The following PEX2 variants were observed in gnomAD, a reference collection of about 807,000 sequenced individuals.
The protein encoded by PEX2 is peroxisomal biogenesis factor 2.
PEX2 carries 19 observed loss-of-function variants against 25.2 expected under a neutral mutation model. That is an observed-to-expected ratio of 0.75 (90% CI 0.53 to 1.10). PEX2 has a LOEUF of 1.10. PEX2 is among the 50% of genes least tolerant of loss of function. PEX2 has a pLI of 0.00. For missense variants in PEX2, 347 were observed against 350.6 expected (o/e 0.99, Z 0.08); for synonymous variants, 141 against 127.7 (o/e 1.10, Z -0.70).
At chr8:76,988,884 T>C (rs1472899466) in intron 1 of PEX2, among the ~76,000 whole-genome samples, 1 of 152,012 alleles carries the variant, frequency 6.6e-6, no homozygotes, top group Non-Finnish European at 1.5e-5. Flanking sequence ...AGAAACCACT[T>C]TCTTTGCTTA....
chr8:76,995,603 T>C (rs943801081), intron 1 of PEX2, among the ~76,000 whole-genome samples: 1 of 152,180 alleles, frequency 6.6e-6, no homozygotes, highest in Non-Finnish European at 1.5e-5. Context: ...ACAATATAGT[T>C]ATTCAAGTAT....
At position 76,982,899 on chromosome 8, in the gene PEX2, T is replaced by C. The variant is rs1806879465; in HGVS notation, c.*362A>G. 3.4e-6 allele frequency: 1 copy of C among 290,992 alleles called. No homozygotes were observed. Among genetic ancestry groups the C allele is most frequent in the African/African-American group, 2.3e-5 (1 of 44,384 alleles). 18.0% of individuals were successfully genotyped at this position (290,992 alleles called of 1,614,324 possible). A position where few individuals can be genotyped will look rare whatever the true frequency, so the allele number is the denominator to read the frequency against. ...TCACATTATCATATTATGTCAACTCTGAAAATAAATGCACACTCATCCCAG... is the reference window on the plus strand; with the variant it reads ...TCACATTATCATATTATGTCAACTCCGAAAATAAATGCACACTCATCCCAG... On this transcript the variant is annotated 3_prime_UTR_variant, in exon 4 of 4. Coordinates refer to ENST00000357039, the MANE Select transcript of PEX2 (RefSeq NM_000318.3).
Position 76,983,673 on chromosome 8 carries a change from C to T in PEX2, c.506G>A (p.Arg169His), listed in dbSNP as rs564144139. Reference protein sequence around the residue: ...QRGKFATLTERLLGIHSVFCK... With the variant: ...QRGKFATLTEHLLGIHSVFCK... ...AAATACAGAATGAATACCTAGGAGA[C>T]GTTCTGTCAAAGTTGCAAACTTTCC... The change falls in exon 4 of 4, where the codon CGT becomes CAT. Residue 169 changes from arginine (R) to histidine (H), a missense_variant. Transcript: ENST00000357039. 4.2e-5 allele frequency: 68 copies of T among 1,614,086 alleles called. No individual in the cohort carries two copies. The highest frequency in any genetic ancestry group is 2.0e-4 in the Admixed American group (12 of 60,018).
chr8:76,986,801 C>T (rs1337163380), intron 2 of PEX2, among the ~76,000 whole-genome samples: 4 of 152,142 alleles, frequency 2.6e-5, no homozygotes, highest in Non-Finnish European at 4.4e-5. Context: ...CCTTTCTTGG[C>T]CTCTATGTAC....
chr8:76,981,928 G>A lies in PEX2; in HGVS notation c.*1333C>T, dbSNP rs746752479. The A allele has an allele frequency of 1.3e-5, 2 of 152,126 alleles. No individual in the cohort carries two copies. Among genetic ancestry groups the A allele is most frequent in the Non-Finnish European group, 2.9e-5 (2 of 68,032 alleles). The allele number at this position is 152,126 out of a possible 1,614,324, so 9.4% of individuals were successfully genotyped here. ...TAAACTTACAGTTCATTCAATCACA[G>A]AATGTAAACTCCATGAAGGTAACTT... On this transcript the variant is annotated 3_prime_UTR_variant, in exon 4 of 4. Transcript: ENST00000357039.
chr8:76,991,931 A>C (rs1807181862), intron 1 of PEX2, among the ~76,000 whole-genome samples: 1 of 152,200 alleles, frequency 6.6e-6, no homozygotes, highest in South Asian at 2.1e-4. Flanking sequence ...AACAGGCCCC[A>C]AACTAATTTT....
At chr8:76,994,968 T>C (rs1807279415) in intron 1 of PEX2, among the ~76,000 whole-genome samples, 1 of 152,214 alleles carries the variant, frequency 6.6e-6, no homozygotes, top group South Asian at 2.1e-4. Context: ...AAATCAATAC[T>C]AATAAATGGG....
rs1212284084 is a variant in PEX2, at chr8:76,983,321, T to A, written c.858A>T (p.Glu286Asp). The part of the protein sequence containing the change: ...VYFTCPKCGT[E>D]VHSLQPLKSG... ...ATTTCAGTGGCTGCAGACTGTGTACTTCTGTGCCACACTTAGGACAAGTAA... is the reference window on the plus strand; with the variant it reads ...ATTTCAGTGGCTGCAGACTGTGTACATCTGTGCCACACTTAGGACAAGTAA... The change falls in exon 4 of 4, where the codon GAA becomes GAT. Residue 286 changes from glutamate (E) to aspartate (D), a missense_variant. Transcript: ENST00000357039. 2.5e-6 allele frequency: 4 copies of A among 1,613,924 alleles called. No homozygotes were observed. In the African/African-American group the frequency reaches 5.3e-5, roughly 22 times the overall value.
intron 1 of PEX2, among the ~76,000 whole-genome samples, chr8:76,989,855 G>A (rs1435719894): frequency 6.6e-6 from 1 of 152,102 alleles, no homozygotes; most frequent in Non-Finnish European, 1.5e-5. Context: ...TGGTAAATAA[G>A]CACTGGCTTC....
chr8:76,987,159 C>A (rs1807028642), intron 2 of PEX2, among the ~76,000 whole-genome samples: 1 of 152,130 alleles, frequency 6.6e-6, no homozygotes, highest in African/African-American at 2.4e-5. Flanking sequence ...CTGTTTTCAA[C>A]CCTTGTGGAG....
chr8:76,997,915 C>T (rs1044576091), intron 1 of PEX2, among the ~76,000 whole-genome samples: 3 of 152,078 alleles, frequency 2.0e-5, no homozygotes, highest in African/African-American at 7.2e-5. Context: ...ACAGACAGGG[C>T]AAATGGAGCA....
chr8:76,992,457 G>A (rs1398448566), intron 1 of PEX2, among the ~76,000 whole-genome samples: 1 of 152,070 alleles, frequency 6.6e-6, no homozygotes, highest in Non-Finnish European at 1.5e-5. Flanking sequence ...CTTTCTGGCA[G>A]GTACAGCTAT....
rs1806837757 is a variant in PEX2 at position 76,981,806 on chromosome 8, T to C, written c.*1455A>G. The C allele has an allele frequency of 6.6e-6, 1 of 152,186 alleles. No homozygotes were observed. The highest frequency in any genetic ancestry group is 6.5e-5 in the Admixed American group (1 of 15,268). The allele number at this position is 152,186 out of a possible 1,614,324, so 9.4% of individuals were successfully genotyped here. Reference sequence around the variant, plus strand: ...GTTTTCTACAATAATGTTTTAAAATTACAGAAGGCAAAAGAAGGCAAATTC... The same window carrying C: ...GTTTTCTACAATAATGTTTTAAAATCACAGAAGGCAAAAGAAGGCAAATTC... On this transcript the variant is annotated 3_prime_UTR_variant, in exon 4 of 4. Coordinates refer to ENST00000357039, the MANE Select transcript of PEX2 (RefSeq NM_000318.3).
intron 1 of PEX2, among the ~76,000 whole-genome samples, chr8:76,991,542 T>G (rs1169694920): frequency 6.6e-6 from 1 of 152,208 alleles, no homozygotes; most frequent in Non-Finnish European, 1.5e-5. Flanking sequence ...GGTTTTATTT[T>G]CCAACATTTT....
intron 1 of PEX2, among the ~76,000 whole-genome samples, chr8:76,992,212 G>A (rs1807192019): frequency 6.6e-6 from 1 of 152,184 alleles, no homozygotes; most frequent in Non-Finnish European, 1.5e-5. Context: ...AGAGAAAAGA[G>A]ATGGGTTCCC....
At chr8:76,994,141 C>T (rs1807253299) in intron 1 of PEX2, among the ~76,000 whole-genome samples, 1 of 152,080 alleles carries the variant, frequency 6.6e-6, no homozygotes, top group Non-Finnish European at 1.5e-5. Flanking sequence ...CAGAAAAAGA[C>T]AACTAAAAAT....
Position 76,983,556 on chromosome 8 carries a change from A to G in PEX2, c.623T>C (p.Leu208Ser). ...CAACTTCTGGACATTGATAAGTGGT[A>G]AGAGAAAAATCAGAAATTCAGCAAA... ...HGFAEFLIFL[L>S]PLINVQKLKA... The change falls in exon 4 of 4, where the codon TTA (leucine) becomes TCA (serine). Residue 208 changes from leucine (L) to serine (S), a missense_variant. Coordinates refer to ENST00000357039, the MANE Select transcript of PEX2 (RefSeq NM_000318.3). 2 of 1,614,112 alleles carry G rather than the reference A, an allele frequency of 1.2e-6. No individual in the cohort carries two copies. The highest frequency in any genetic ancestry group is 2.2e-5 in the East Asian group (1 of 44,866).
In PEX2 at chr8:76,983,221, C is replaced by T. The variant is rs148915806; in HGVS notation, c.*40G>A. The T allele has an allele frequency of 1.8e-4, 285 of 1,604,318 alleles. 3 individuals carry two copies. In the East Asian group the frequency reaches 4.7e-3, roughly 26 times the overall value. On this transcript the variant is annotated 3_prime_UTR_variant, in exon 4 of 4. Coordinates refer to ENST00000357039, the MANE Select transcript of PEX2 (RefSeq NM_000318.3). ...GGATGACTAATATTAAGAATTTAAA[C>T]ACGGTGCATTTTTTTCCTCAAAGGA...
At chr8:76,992,605 T>C (rs1807205210) in intron 1 of PEX2, among the ~76,000 whole-genome samples, 1 of 152,232 alleles carries the variant, frequency 6.6e-6, no homozygotes, top group Non-Finnish European at 1.5e-5. Context: ...TTATAATAGG[T>C]ATGAAGCATA....
Sources: allele counts gnomAD v4.1 joint callset (sites outside exome capture counted in the v4.1 genomes callset), GRCh38; gene constraint gnomAD v4.1.1; transcripts MANE v1.5; gene names NCBI Gene and HGNC (gene_info 2026-07-23, HGNC 2026-07-21).